The following VAV1 variants were observed in gnomAD, a reference collection of about 807,000 sequenced individuals.
The protein encoded by VAV1 is proto-oncogene vav.
A neutral mutation model predicts 128.1 loss-of-function variants in VAV1; 33 were observed. The ratio of observed to expected loss-of-function variants is 0.26; its 90% confidence interval spans 0.20 to 0.34. The LOEUF (loss-of-function observed/expected upper bound fraction) is 0.34, where lower values mean the gene tolerates loss of function less well. Among genes scored for constraint, VAV1 ranks in the 10% least tolerant of loss-of-function variants. The pLI is 1.00. For synonymous variants in VAV1, 394 were observed against 409.8 expected (o/e 0.96, Z 0.47); for missense variants, 715 against 1,093.7 (o/e 0.65, Z 4.88).
chr19:6,795,166 G>C lies in VAV1; in HGVS notation c.204+22155G>C, dbSNP rs139322985. On this transcript the variant is annotated intron_variant, in intron 1 of 26. Coordinates refer to ENST00000602142, the MANE Select transcript of VAV1 (RefSeq NM_005428.4). ...TTTTCGTAACAAGAAGCCATACCCT[G>C]GCTTCTCTCTTCCTACCCTAGGCAC... Among the ~76,000 whole-genome samples the C allele has an allele frequency of 3.3e-3, 497 of 152,204 alleles. 3 individuals carry two copies. The highest frequency in any genetic ancestry group is 0.011 in the African/African-American group (470 of 41,536).
chr19:6,825,247 C>T, intron 7 of VAV1, 56 bp from the exon 8 acceptor site: 1 of 1,583,714 alleles, frequency 6.3e-7, no homozygotes, highest in African/African-American at 1.3e-5. Flanking sequence ...CCCTTTCCTT[C>T]CTGGCCCCCT....
At chr19:6,808,928 C>T (rs1309063813) in intron 1 of VAV1, among the ~76,000 whole-genome samples, 2 of 152,110 alleles carry the variant, frequency 1.3e-5, no homozygotes, top group Admixed American at 1.3e-4. Flanking sequence ...TCCACACGGT[C>T]TCTCATCCTC....
Position 6,849,456 on chromosome 19 carries a change from A to AT in VAV1, c.2130-1207dup, listed in dbSNP as rs1038842816. ...AGGTGCACGTCACCATGCCTGGCTAATTTTTTTGTATTTTTAGTAGAGACA... is the reference window on the plus strand; with the variant it reads ...AGGTGCACGTCACCATGCCTGGCTAATTTTTTTTGTATTTTTAGTAGAGACA... On this transcript the variant is annotated intron_variant, in intron 23 of 26. Transcript: ENST00000602142. Among the ~76,000 whole-genome samples, 21 of 122,166 alleles carry AT rather than the reference A, an allele frequency of 1.7e-4. 1 individual carries two copies. Among genetic ancestry groups the AT allele is most frequent in the African/African-American group, 5.2e-4 (16 of 30,926 alleles). 80.1% of individuals were successfully genotyped at this position (122,166 alleles called of 152,430 possible). A position where few individuals can be genotyped will look rare whatever the true frequency, so the allele number is the denominator to read the frequency against.
At chr19:6,848,209 G>C in intron 23 of VAV1, 95 bp downstream of exon 23, 2 of 1,173,278 alleles carry the variant, frequency 1.7e-6, no homozygotes, top group East Asian at 2.9e-5. Flanking sequence ...AGAAGTGTAC[G>C]GTAATAGCAT....
chr19:6,823,461 A>G, intron 6 of VAV1, among the ~76,000 whole-genome samples: 1 of 150,960 alleles, frequency 6.6e-6, no homozygotes, highest in Non-Finnish European at 1.5e-5. Context: ...ATCATTATTT[A>G]AAGATATATA....
intron 1 of VAV1, among the ~76,000 whole-genome samples, chr19:6,793,065 T>G (rs940919792): frequency 1.3e-5 from 2 of 152,196 alleles, no homozygotes; most frequent in African/African-American, 4.8e-5. Flanking sequence ...CCGGGCGCGG[T>G]GGCTCACACC....
chr19:6,773,700 G>T (rs557201864), intron 1 of VAV1, among the ~76,000 whole-genome samples: 1 of 152,208 alleles, frequency 6.6e-6, no homozygotes, highest in African/African-American at 2.4e-5. Flanking sequence ...TTCTGCAGGG[G>T]CCCAGGCTGG....
At chr19:6,836,642 G>A in intron 20 of VAV1, 74 bp downstream of exon 20, 1 of 1,577,244 alleles carries the variant, frequency 6.3e-7, no homozygotes. Flanking sequence ...GTCTCAGGGA[G>A]TTGGGTCATA....
At chr19:6,837,641 C>T (rs904718527) in intron 21 of VAV1, among the ~76,000 whole-genome samples, 20 of 152,188 alleles carry the variant, frequency 1.3e-4, no homozygotes, top group African/African-American at 4.6e-4. Context: ...AGACTTCTAG[C>T]AAAGCTATGA....
chr19:6,796,631 A>G (rs1169601176), intron 1 of VAV1, among the ~76,000 whole-genome samples: 1 of 152,034 alleles, frequency 6.6e-6, no homozygotes, highest in East Asian at 1.9e-4. Context: ...TCCTCCAGAC[A>G]CCCACCTGGA....
intron 1 of VAV1, among the ~76,000 whole-genome samples, chr19:6,792,216 G>C (rs1461523741): frequency 6.6e-6 from 1 of 152,074 alleles, no homozygotes; most frequent in Non-Finnish European, 1.5e-5. Flanking sequence ...GAGAGATCTG[G>C]AAAAAGAAGG....
At chr19:6,781,003 G>A (rs963697970) in intron 1 of VAV1, among the ~76,000 whole-genome samples, 5 of 139,400 alleles carry the variant, frequency 3.6e-5, no homozygotes, top group Non-Finnish European at 5.0e-5. Flanking sequence ...CCACTTCTTG[G>A]GTTCAAGTGA....
chr19:6,814,663 C>CTTTCTTTCTTTCTTT (rs1568299110), intron 1 of VAV1, among the ~76,000 whole-genome samples: 14 of 26,528 alleles, frequency 5.3e-4, no homozygotes, highest in South Asian at 4.0e-3. Flanking sequence ...TTCCTTCCTT[C>CTTTCTTTCTTTCTTT]CTTCCTTCCT....
At chr19:6,841,245 T>C (rs1361399518) in intron 21 of VAV1, among the ~76,000 whole-genome samples, 4 of 151,934 alleles carry the variant, frequency 2.6e-5, no homozygotes, top group Non-Finnish European at 4.4e-5. Context: ...TAATATTCCA[T>C]GGTATGCATA....
At position 6,833,718 on chromosome 19, in the gene VAV1, A is replaced by G; in HGVS notation, c.1716A>G (p.Pro572=). 6.2e-7 allele frequency: 1 copy of G among 1,614,154 alleles called. No homozygotes were observed. Among genetic ancestry groups the G allele is most frequent in the Non-Finnish European group, 8.5e-7 (1 of 1,180,024 alleles). The change falls in exon 18 of 27, where the codon CCA becomes CCG. Residue 572 remains proline, a synonymous_variant. Transcript: ENST00000602142. Reference sequence around the variant, plus strand: ...TCCTTTACCCTCCCGTAGATTTCCCAGGAACTATGAAGAAGGTAAGACTTT... The same window carrying G: ...TCCTTTACCCTCCCGTAGATTTCCCGGGAACTATGAAGAAGGTAAGACTTT... ...PPCGRHGQDF[P]GTMKKDKLHR...
chr19:6,788,839 G>A (rs1387237681), intron 1 of VAV1, among the ~76,000 whole-genome samples: 1 of 152,154 alleles, frequency 6.6e-6, no homozygotes, highest in Non-Finnish European at 1.5e-5. Flanking sequence ...AGGAAACTGA[G>A]GAACTGTTAC....
chr19:6,826,649 T>C lies in VAV1; in HGVS notation c.865T>C (p.Ser289Pro). 6.4e-7 allele frequency: 1 copy of C among 1,561,106 alleles called. No individual in the cohort carries two copies. Among genetic ancestry groups the C allele is most frequent in the Non-Finnish European group, 8.7e-7 (1 of 1,153,414 alleles). Residue 289 changes from serine (S) to proline (P), a missense_variant, in exon 9 of 27, where the codon TCA (serine) becomes CCA (proline). Physicochemically the swap from Ser to Pro is moderately conservative, Grantham distance 74. Coordinates refer to ENST00000602142, the MANE Select transcript of VAV1 (RefSeq NM_005428.4). The surrounding 1 kb of genome is among the most constrained non-coding windows in gnomAD (Gnocchi z 4.1). Reference protein sequence around the residue: ...VYGRYCSQVESASKHLDRVAA... With the variant: ...VYGRYCSQVEPASKHLDRVAA... ...TGGCCGCTACTGCAGCCAGGTGGAGTCAGCCAGCAAACACCTGGACCGTGT... is the reference window on the plus strand; with the variant it reads ...TGGCCGCTACTGCAGCCAGGTGGAGCCAGCCAGCAAACACCTGGACCGTGT...
At chr19:6,830,015 A>G in intron 14 of VAV1, 97 bp downstream of exon 14, 1 of 1,567,254 alleles carries the variant, frequency 6.4e-7, no homozygotes, top group South Asian at 1.1e-5. Flanking sequence ...CTACATCTAC[A>G]TGGAAGTGTG....
rs1316040271 is a variant in VAV1, at chr19:6,825,294, T to A, written c.724-9T>A. The A allele has an allele frequency of 1.9e-6, 3 of 1,609,172 alleles. No homozygotes were observed. Among genetic ancestry groups the A allele is most frequent in the Non-Finnish European group, 2.5e-6 (3 of 1,177,242 alleles). ...TCTGGTCCCAGCCCTCACCCTTCCC[T>A]CCGAGTAGGACCTGCTTCGTGTTCA... On this transcript the variant is annotated splice_polypyrimidine_tract_variant and intron_variant, in intron 7 of 26. Coordinates refer to ENST00000602142, the MANE Select transcript of VAV1 (RefSeq NM_005428.4).
Sources: allele counts gnomAD v4.1 joint callset (sites outside exome capture counted in the v4.1 genomes callset), GRCh38; gene constraint gnomAD v4.1.1; non-coding constraint Gnocchi (gnomAD v3.1); transcripts MANE v1.5; gene names NCBI Gene and HGNC (gene_info 2026-07-23, HGNC 2026-07-21).